IQSEC3: variants seen among roughly 807,000 people sequenced by gnomAD.
IQSEC3 encodes IQ motif and SEC7 domain-containing protein 3.
In IQSEC3, 50 loss-of-function variants were observed where a neutral mutation model predicts 105.4. The ratio of observed to expected loss-of-function variants is 0.47; its 90% confidence interval spans 0.38 to 0.60. The LOEUF (loss-of-function observed/expected upper bound fraction) is 0.60, where lower values mean the gene tolerates loss of function less well. Ranked by LOEUF, IQSEC3 falls within the 20% of genes least tolerant of loss-of-function variation. The pLI, the probability that IQSEC3 is intolerant of heterozygous loss-of-function variation, is 0.00. For synonymous variants in IQSEC3, 708 were observed against 746.0 expected (o/e 0.95, Z 0.83); for missense variants, 1,415 against 1,630.0 (o/e 0.87, Z 2.27).
At chr12:93,490 G>A (rs1419002327) in intron 1 of IQSEC3, among the ~76,000 whole-genome samples, 2 of 152,194 alleles carry the variant, frequency 1.3e-5, no homozygotes, top group South Asian at 2.1e-4. Flanking sequence ...CAGGGAGGGT[G>A]GGAAGAGAGC....
chr12:73,895 C>T (rs1407372905), intron 1 of IQSEC3, among the ~76,000 whole-genome samples: 1 of 152,272 alleles, frequency 6.6e-6, no homozygotes, highest in East Asian at 1.9e-4. Context: ...CACCATCCCT[C>T]TGTGATCTGT....
rs541911766 is a variant in IQSEC3, at chr12:102,413, C to T, written c.623+3199C>T. Among the ~76,000 whole-genome samples the T allele has an allele frequency of 5.3e-5, 8 of 152,364 alleles. No individual in the cohort carries two copies. In the East Asian group the frequency reaches 1.3e-3, roughly 26 times the overall value. ...GGATCTCCCTGGCCATCCTCCTCTGCAGTCTGGCTAAGGCCGGCCCCCACT... is the reference window on the plus strand; with the variant it reads ...GGATCTCCCTGGCCATCCTCCTCTGTAGTCTGGCTAAGGCCGGCCCCCACT... On this transcript the variant is annotated intron_variant, in intron 2 of 13. Coordinates refer to ENST00000538872, the MANE Select transcript of IQSEC3 (RefSeq NM_001170738.2).
At chr12:79,822 C>A (rs1330831675) in intron 1 of IQSEC3, among the ~76,000 whole-genome samples, 1 of 152,190 alleles carries the variant, frequency 6.6e-6, no homozygotes, top group Admixed American at 6.5e-5. Context: ...TGCCCGCCCC[C>A]ACACCTTCCA....
At chr12:93,269 C>G (rs1464177522) in intron 1 of IQSEC3, among the ~76,000 whole-genome samples, 7 of 152,172 alleles carry the variant, frequency 4.6e-5, no homozygotes, top group African/African-American at 1.7e-4. Context: ...CTCAAGCCAG[C>G]CCTCCTGAGG....
At chr12:136,675 C>T (rs1555086481) in intron 3 of IQSEC3, among the ~76,000 whole-genome samples, 3 of 152,120 alleles carry the variant, frequency 2.0e-5, no homozygotes, top group Admixed American at 6.5e-5. Flanking sequence ...GCACCCATCC[C>T]GATTCTTCGT....
intron 13 of IQSEC3, among the ~76,000 whole-genome samples, chr12:172,184 G>A (rs1939038153): frequency 1.3e-5 from 2 of 152,218 alleles, no homozygotes. Context: ...GAAGCAGCAG[G>A]ATACCCCGGG....
In IQSEC3 at chr12:138,956, G is replaced by T. The variant is rs1865896589; in HGVS notation, c.1593G>T (p.Glu531Asp). 6.4e-7 allele frequency: 1 copy of T among 1,567,954 alleles called. No homozygotes were observed. Among genetic ancestry groups the T allele is most frequent in the Admixed American group, 1.9e-5 (1 of 53,652 alleles). The change falls in exon 4 of 14, where the codon GAG (glutamate) becomes GAT (aspartate). Residue 531 changes from glutamate (E) to aspartate (D), a missense_variant. Glu to Asp is a conservative substitution (Grantham distance 45, BLOSUM62 2). This residue lies in a region of IQSEC3 where 720 missense variants were observed against 633.0 expected (regional missense o/e 1.14). Transcript: ENST00000538872. The surrounding 1 kb of genome is among the most constrained non-coding windows in gnomAD (Gnocchi z 7.1). ...EPAAGKAEQG[E>D]TSGREAPEAP... is the part of the protein sequence containing the mutation. ...CGGCGGGCAAGGCCGAGCAGGGCGA[G>T]ACCTCTGGGCGGGAGGCCCCGGAAG...
At chr12:154,561 G>T (rs1304640047) in intron 5 of IQSEC3, among the ~76,000 whole-genome samples, 3 of 152,192 alleles carry the variant, frequency 2.0e-5, no homozygotes, top group Non-Finnish European at 4.4e-5. Context: ...ACCAAGGGCC[G>T]TTCTGGGGCC....
intron 2 of IQSEC3, among the ~76,000 whole-genome samples, chr12:119,482 T>C (rs149465506): frequency 4.6e-5 from 7 of 152,262 alleles, no homozygotes; most frequent in African/African-American, 1.7e-4. Context: ...TCCACAGATC[T>C]GGGGGCAGAG....
intron 5 of IQSEC3, among the ~76,000 whole-genome samples, chr12:150,889 G>A (rs1158207754): frequency 1.3e-5 from 2 of 152,230 alleles, no homozygotes; most frequent in African/African-American, 4.8e-5. Flanking sequence ...CAGTAGAGGG[G>A]AGGCGTGGTA....
chr12:103,435 C>T (rs1340282467), intron 2 of IQSEC3, among the ~76,000 whole-genome samples: 1 of 94,832 alleles, frequency 1.1e-5, no homozygotes, highest in African/African-American at 4.3e-5. Context: ...AAGGTTGGCT[C>T]AGGAGGGGAG....
intron 3 of IQSEC3, among the ~76,000 whole-genome samples, chr12:129,990 G>T (rs540258089): frequency 2.6e-5 from 4 of 152,306 alleles, no homozygotes; most frequent in East Asian, 1.9e-4. Context: ...CCCTTCCCAC[G>T]CTGAAAGTGA....
At chr12:106,689 T>A (rs1326726088) in intron 2 of IQSEC3, 1 of 152,268 alleles carries the variant, frequency 6.6e-6, no homozygotes, top group Admixed American at 6.5e-5. Context: ...TTGTTTCATT[T>A]ACTGGAAGCT....
intron 1 of IQSEC3, among the ~76,000 whole-genome samples, chr12:84,728 CT>C (rs1863860468): frequency 6.6e-6 from 1 of 152,162 alleles, no homozygotes; most frequent in Non-Finnish European, 1.5e-5. Context: ...AAGCAAACAG[CT>C]GTTTTTGTGG....
Position 125,835 on chromosome 12 carries a change from G to A in IQSEC3, c.826G>A (p.Ala276Thr), listed in dbSNP as rs782556087. 154 of 1,531,692 alleles carry A rather than the reference G, an allele frequency of 1.0e-4. 1 individual carries two copies. The highest frequency in any genetic ancestry group is 1.2e-4 in the Non-Finnish European group (141 of 1,145,610). 94.9% of individuals were successfully genotyped at this position (1,531,692 alleles called of 1,614,324 possible). A position where few individuals can be genotyped will look rare whatever the true frequency, so the allele number is the denominator to read the frequency against. The change falls in exon 3 of 14, where the codon GCC (alanine) becomes ACC (threonine). Residue 276 changes from alanine (A) to threonine (T), a missense_variant. Physicochemically the swap from Ala to Thr is moderately conservative, Grantham distance 58. Coordinates refer to ENST00000538872, the MANE Select transcript of IQSEC3 (RefSeq NM_001170738.2). ...GGCCTCCCCCGGCCGGCAGCAGCCT[G>A]CCCTGGCGACGGCGCTGTGCCCCCA... ...HKASPGRQQP[A>T]LATALCPHAP...
Position 157,068 on chromosome 12 carries a change from G to A in IQSEC3, c.2197G>A (p.Glu733Lys), listed in dbSNP as rs556124525. 7 of 1,607,270 alleles carry A rather than the reference G, an allele frequency of 4.4e-6. No individual in the cohort carries two copies. The highest frequency in any genetic ancestry group is 1.7e-4 in the Middle Eastern group (1 of 6,046). The change falls in exon 6 of 14, where the codon GAG (glutamate) becomes AAG (lysine). Residue 733 changes from glutamate to lysine, a missense_variant. Physicochemically the swap from Glu to Lys is moderately conservative, Grantham distance 56. This residue lies in a region of IQSEC3 where 213 missense variants were observed against 306.2 expected (regional missense o/e 0.70). Transcript: ENST00000538872. ...EMDFSSMELDEALRKFQAHIR... is the reference protein window; with the variant it reads ...EMDFSSMELDKALRKFQAHIR... ...GGACTTCTCCAGCATGGAGCTGGAC[G>A]AGGCCCTGCGCAAGTTCCAGGCACA...
chr12:116,172 C>T (rs1374953642), intron 2 of IQSEC3, among the ~76,000 whole-genome samples: 2 of 152,224 alleles, frequency 1.3e-5, no homozygotes, highest in African/African-American at 4.8e-5. Flanking sequence ...CCTCCTTTCA[C>T]AGGACCTTGA....
intron 9 of IQSEC3, chr12:165,162 T>G: frequency 4.1e-6 from 2 of 493,628 alleles, no homozygotes; most frequent in Non-Finnish European, 3.6e-6. Flanking sequence ...AAGGCCAGAG[T>G]AAGGCAAGGA....
intron 1 of IQSEC3, among the ~76,000 whole-genome samples, chr12:79,436 C>T (rs1490481264): frequency 6.6e-6 from 1 of 152,082 alleles, no homozygotes; most frequent in Non-Finnish European, 1.5e-5. Flanking sequence ...ATGTAATTCA[C>T]CTTTTCCTTT....
Sources: gnomAD v4.1 joint callset for allele counts (sites outside exome capture counted in the v4.1 genomes callset) on GRCh38, gnomAD v4.1.1 for gene constraint, gnomAD v4.1.1 regional missense constraint, Gnocchi (gnomAD v3.1) non-coding constraint, MANE v1.5 for transcripts, NCBI Gene and HGNC (gene_info 2026-07-23, HGNC 2026-07-21) for gene names.